NF1: variants seen among roughly 807,000 people sequenced by gnomAD.
The protein encoded by NF1 is neurofibromin 1, also known as neurofibromin.
A neutral mutation model predicts 325.7 loss-of-function variants in NF1; 122 were observed. The ratio of observed to expected loss-of-function variants is 0.37; its 90% CI spans 0.32 to 0.44. NF1 has a LOEUF of 0.44. Among genes scored for constraint, NF1 ranks in the 20% least tolerant of loss-of-function variants. The pLI, the probability that NF1 is intolerant of heterozygous loss-of-function variation, is 1.00. For missense variants in NF1, 2,140 were observed against 3,415.4 expected, an observed-to-expected ratio of 0.63 and a Z score of 9.31; for synonymous variants, 1,091 against 1,186.0, an observed-to-expected ratio of 0.92 and a Z score of 1.65.
At chr17:31,324,886 A>C (rs1373210160) in intron 36 of NF1, among the ~76,000 whole-genome samples, 1 of 152,170 alleles carries the variant, frequency 6.6e-6, no homozygotes, top group Non-Finnish European at 1.5e-5. Flanking sequence ...ATATCCATTA[A>C]CCAACCTCTG....
intron 48 of NF1, among the ~76,000 whole-genome samples, chr17:31,343,733 A>C (rs1040040676): frequency 1.3e-5 from 2 of 152,182 alleles, no homozygotes; most frequent in African/African-American, 2.4e-5. Flanking sequence ...AAGCAGAAGG[A>C]TCTCTTGAGC....
rs929628461 is a variant in NF1, at chr17:31,357,202, C to T, written c.7870-67C>T. The T allele has an allele frequency of 5.0e-6, 8 of 1,592,492 alleles. No homozygotes were observed. In the Admixed American group the frequency reaches 8.3e-5, roughly 17 times the overall value. On this transcript the variant is annotated intron_variant, in intron 53 of 57. Coordinates refer to ENST00000358273, the MANE Select transcript of NF1 (RefSeq NM_001042492.3). ...ATAGGATACAGTCTTCTACTTCTCA[C>T]CCAAACAGATAACAATTCAGCCACA...
chr17:31,158,258 A>T (rs1337578601), intron 2 of NF1, among the ~76,000 whole-genome samples: 1 of 152,170 alleles, frequency 6.6e-6, no homozygotes, highest in Non-Finnish European at 1.5e-5. Context: ...TTACAAAACT[A>T]ATAAACTGGA....
intron 36 of NF1, among the ~76,000 whole-genome samples, chr17:31,265,959 T>C (rs1452304992): frequency 6.6e-6 from 1 of 152,186 alleles, no homozygotes; most frequent in African/African-American, 2.4e-5. Context: ...TGTCTTTTCT[T>C]TTTTGCTTCA....
chr17:31,246,317 T>C (rs922066839), intron 29 of NF1, among the ~76,000 whole-genome samples: 1 of 152,254 alleles, frequency 6.6e-6, no homozygotes, highest in Non-Finnish European at 1.5e-5. Flanking sequence ...AGAACTCACC[T>C]GTTCAATGAA....
chr17:31,146,136 G>A (rs1382463889), intron 1 of NF1, among the ~76,000 whole-genome samples: 1 of 152,182 alleles, frequency 6.6e-6, no homozygotes, highest in African/African-American at 2.4e-5. Flanking sequence ...TCTCTGCTCA[G>A]GTTCTCATCA....
rs531397169 is a variant in NF1, at chr17:31,220,491, A to G, written c.1642-1359A>G. ...AACTCAAAAGGAAAAAGCTGCACAC[A>G]TAGGTACTTATTGCTCTTAATTATA... On this transcript the variant is annotated intron_variant, in intron 14 of 57. Transcript: ENST00000358273. 5.9e-5 allele frequency among the ~76,000 whole-genome samples: 9 copies of G among 152,286 alleles called. No individual in the cohort carries two copies. In the East Asian group the frequency reaches 1.3e-3, roughly 23 times the overall value.
At chr17:31,184,320 G>C (rs1286459658) in intron 8 of NF1, among the ~76,000 whole-genome samples, 3 of 152,148 alleles carry the variant, frequency 2.0e-5, no homozygotes, top group Admixed American at 2.0e-4. Context: ...AATGAAGCTG[G>C]TTGGTTGCTC....
chr17:31,270,600 G>A (rs1007401177), intron 36 of NF1, among the ~76,000 whole-genome samples: 7 of 152,086 alleles, frequency 4.6e-5, no homozygotes, highest in Admixed American at 6.5e-5. Flanking sequence ...ACAGAGTGAG[G>A]CCTTCTCTGA....
intron 1 of NF1, among the ~76,000 whole-genome samples, chr17:31,111,500 A>G (rs1052668059): frequency 6.6e-6 from 1 of 152,188 alleles, no homozygotes; most frequent in African/African-American, 2.4e-5. Context: ...GCTTAAAAGC[A>G]GCCAGAAGAG....
intron 39 of NF1, among the ~76,000 whole-genome samples, chr17:31,333,911 T>A (rs2069570647): frequency 6.6e-6 from 1 of 152,254 alleles, no homozygotes; most frequent in Non-Finnish European, 1.5e-5. Flanking sequence ...GATAAATTTT[T>A]GTACAATTTT....
intron 8 of NF1, among the ~76,000 whole-genome samples, chr17:31,193,319 G>GT (rs1400686721): frequency 6.6e-6 from 1 of 152,112 alleles, no homozygotes; most frequent in Non-Finnish European, 1.5e-5. Context: ...GCTGTATGGT[G>GT]TTCCCTAAAT....
At position 31,225,083 on chromosome 17, in the gene NF1, A is replaced by AT. The variant is rs779012139; in HGVS notation, c.1846-5dup. 5 of 1,612,668 alleles carry AT rather than the reference A, an allele frequency of 3.1e-6. No homozygotes were observed. Among genetic ancestry groups the AT allele is most frequent in the Non-Finnish European group, 4.2e-6 (5 of 1,179,292 alleles). On this transcript the variant is annotated splice_polypyrimidine_tract_variant and intron_variant, in intron 16 of 57. Transcript: ENST00000358273. Reference sequence around the variant, plus strand: ...GTGCTTCAGTAAAGCTTATTTATTTATTTTTTTCTAGCAGGCAGATAGAAG... The same window carrying AT: ...GTGCTTCAGTAAAGCTTATTTATTTATTTTTTTTCTAGCAGGCAGATAGAAG...
chr17:31,102,755 C>T (rs1300167719), intron 1 of NF1, among the ~76,000 whole-genome samples: 3 of 151,344 alleles, frequency 2.0e-5, no homozygotes, highest in South Asian at 2.1e-4. Flanking sequence ...AAAAAGAGAG[C>T]GTGACTAGTC....
At chr17:31,254,390 T>G (rs2067547186) in intron 31 of NF1, 2 of 152,082 alleles carry the variant, frequency 1.3e-5, no homozygotes, top group South Asian at 4.1e-4. Context: ...AAATTTAAAT[T>G]TATAGACATA....
chr17:31,308,008 A>C, intron 36 of NF1: 4 of 962,106 alleles, frequency 4.2e-6, no homozygotes, highest in Non-Finnish European at 5.7e-6. Flanking sequence ...TATACGAATA[A>C]TTCAAGCCTG....
intron 38 of NF1, among the ~76,000 whole-genome samples, chr17:31,329,132 A>G (rs1259223605): frequency 6.6e-6 from 1 of 152,214 alleles, no homozygotes; most frequent in Non-Finnish European, 1.5e-5. Context: ...GTGAATAGCC[A>G]ATGCACACCA....
chr17:31,100,350 A>G (rs1296293585), intron 1 of NF1, among the ~76,000 whole-genome samples: 2 of 152,144 alleles, frequency 1.3e-5, no homozygotes, highest in Admixed American at 6.6e-5. Flanking sequence ...GATTTAAAAA[A>G]TATCTCCTAG....
chr17:31,278,192 G>A (rs1196490350), intron 36 of NF1: 1 of 152,124 alleles, frequency 6.6e-6, no homozygotes, highest in African/African-American at 2.4e-5. Context: ...ATCTGTTTTT[G>A]AAATGTTTCC....
Sources: allele counts gnomAD v4.1 joint callset (sites outside exome capture counted in the v4.1 genomes callset), GRCh38; gene constraint gnomAD v4.1.1; transcripts MANE v1.5; gene names NCBI Gene and HGNC (gene_info 2026-07-23, HGNC 2026-07-21).